PLAC8L1: variants seen among roughly 807,000 people sequenced by gnomAD.
PLAC8L1 encodes the protein PLAC8 like 1.
PLAC8L1 carries 13 observed loss-of-function variants against 16.3 expected under a neutral mutation model. That is an observed-to-expected ratio of 0.80 (90% confidence interval 0.52 to 1.27). The LOEUF is 1.27. Ranked by LOEUF, PLAC8L1 falls within the 50% of genes most tolerant of loss-of-function variation. The pLI is 0.00. For missense variants in PLAC8L1, 184 were observed against 220.2 expected (o/e 0.84, Z 1.04); for synonymous variants, 78 against 79.3 (o/e 0.98, Z 0.09).
At chr5:146,092,363 C>A (rs1763633525) in intron 2 of PLAC8L1, among the ~76,000 whole-genome samples, 1 of 152,080 alleles carries the variant, frequency 6.6e-6, no homozygotes, top group Non-Finnish European at 1.5e-5. Context: ...CAGGTTTACT[C>A]TTTAGTGGTT....
intron 1 of PLAC8L1, chr5:146,103,698 T>C (rs1763860649): frequency 2.0e-6 from 2 of 985,428 alleles, no homozygotes; most frequent in Non-Finnish European, 2.4e-6. Flanking sequence ...TTCCCTCTTT[T>C]TGACCTCACT....
intron 1 of PLAC8L1, among the ~76,000 whole-genome samples, chr5:146,102,040 C>CTTTTTTTTTTTTTTTTTTTTTCTTT (rs36011275): frequency 7.7e-6 from 1 of 130,506 alleles, no homozygotes; most frequent in Non-Finnish European, 1.6e-5. Context: ...TGTGTTTACC[C>CTTTTTTTTTTTTTTTTTTTTTCTTT]TTTTTTTTTT....
chr5:146,099,712 G>C (rs1763779231), intron 1 of PLAC8L1, among the ~76,000 whole-genome samples: 1 of 148,816 alleles, frequency 6.7e-6, no homozygotes, highest in Non-Finnish European at 1.5e-5. Context: ...CCAAAATTCA[G>C]CACCTGGGAC....
Position 146,085,565 on chromosome 5 carries a change from CAA to C in PLAC8L1, c.287_288del (p.Leu96ArgfsTer3). 1 of 1,614,148 alleles carries C rather than the reference CAA, an allele frequency of 6.2e-7. No individual in the cohort carries two copies. The highest frequency in any genetic ancestry group is 2.2e-5 in the East Asian group (1 of 44,882). On this transcript the variant is annotated frameshift_variant, in exon 3 of 4. Coordinates refer to ENST00000311450, the MANE Select transcript of PLAC8L1 (RefSeq NM_001029869.3). LOFTEE classifies it high-confidence loss of function. ...CCATAATGCCTGGCGATGTCACACT[CAA>C]GACACATAGGACAGAATAGACCACA... ...CFCGLFCPMC[L>X]ECDIARHYGE...
intron 1 of PLAC8L1, among the ~76,000 whole-genome samples, chr5:146,099,994 C>A (rs1026642751): frequency 4.6e-5 from 7 of 152,140 alleles, no homozygotes; most frequent in Middle Eastern, 3.2e-3. Flanking sequence ...TTCCCTCGGA[C>A]CAACTGCACA....
intron 3 of PLAC8L1, among the ~76,000 whole-genome samples, chr5:146,085,135 G>T (rs1763487761): frequency 6.6e-6 from 1 of 151,418 alleles, no homozygotes. Context: ...ACATCAGTCT[G>T]GGCCAGGCAT....
At chr5:146,097,757 A>G (rs1763741824) in intron 2 of PLAC8L1, among the ~76,000 whole-genome samples, 1 of 152,178 alleles carries the variant, frequency 6.6e-6, no homozygotes, top group South Asian at 2.1e-4. Flanking sequence ...TTTGCACATG[A>G]TTTATTTCCT....
At chr5:146,100,226 T>G (rs905476431) in intron 1 of PLAC8L1, among the ~76,000 whole-genome samples, 1 of 152,078 alleles carries the variant, frequency 6.6e-6, no homozygotes, top group Non-Finnish European at 1.5e-5. Context: ...ACATATTTAG[T>G]CTCAATGTCA....
rs143567102 is a variant in PLAC8L1, at chr5:146,103,282, C to T, written c.119+911G>A. ...TCAACCAATTCTCCTGCCTCAGCCC[C>T]CCTAATAGCTGGGATTACAGGCATG... On this transcript the variant is annotated intron_variant, in intron 1 of 3. Coordinates refer to ENST00000311450, the MANE Select transcript of PLAC8L1 (RefSeq NM_001029869.3). 5.8e-3 allele frequency among the ~76,000 whole-genome samples: 890 copies of T among 152,302 alleles called. 12 individuals carry two copies. The highest frequency in any genetic ancestry group is 0.02 in the African/African-American group (847 of 41,554).
chr5:146,101,193 T>C (rs1763810208), intron 1 of PLAC8L1, among the ~76,000 whole-genome samples: 1 of 107,158 alleles, frequency 9.3e-6, no homozygotes, highest in Non-Finnish European at 1.8e-5. Context: ...CAAGACCCTG[T>C]CTCAAAAAAA....
intron 2 of PLAC8L1, among the ~76,000 whole-genome samples, chr5:146,092,609 T>C (rs1473279282): frequency 6.9e-6 from 1 of 145,502 alleles, no homozygotes; most frequent in Non-Finnish European, 1.5e-5. Flanking sequence ...TAGCATGATC[T>C]CAGCTGACTG....
intron 3 of PLAC8L1, 75 bp downstream of exon 3, chr5:146,085,386 G>T: frequency 6.8e-7 from 1 of 1,466,666 alleles, no homozygotes. Flanking sequence ...TCTTTTATTT[G>T]GAAAATCACA....
intron 2 of PLAC8L1, among the ~76,000 whole-genome samples, chr5:146,087,508 GTTTA>G (rs1225178403): frequency 1.3e-5 from 2 of 152,146 alleles, no homozygotes; most frequent in African/African-American, 2.4e-5. Context: ...GTTATATTTT[GTTTA>G]TTTATTTATG....
At chr5:146,100,466 T>C (rs1289744777) in intron 1 of PLAC8L1, among the ~76,000 whole-genome samples, 1 of 150,968 alleles carries the variant, frequency 6.6e-6, no homozygotes, top group African/African-American at 2.4e-5. Flanking sequence ...TGCAAATAAA[T>C]TAATGCTCAA....
chr5:146,090,568 ACAAAACTC>A (rs1445670566), intron 2 of PLAC8L1, among the ~76,000 whole-genome samples: 1 of 151,302 alleles, frequency 6.6e-6, no homozygotes, highest in African/African-American at 2.4e-5. Flanking sequence ...ACAAAACAAA[ACAAAACTC>A]CTGCAAATCA....
chr5:146,094,823 T>A (rs748240585), intron 2 of PLAC8L1, among the ~76,000 whole-genome samples: 1 of 152,226 alleles, frequency 6.6e-6, no homozygotes, highest in African/African-American at 2.4e-5. Flanking sequence ...CTGCTGTTCA[T>A]AATGTACCCT....
chr5:146,105,077 T>G lies in PLAC8L1; in HGVS notation c.-766A>C, dbSNP rs2150040010. On this transcript the variant is annotated 5_prime_UTR_variant, in exon 1 of 4. Transcript: ENST00000311450. ...TGAATCATGCCTCTGGCACATGTCT[T>G]ATGGAGGTGTGGACCCTAGAAATAT... 6.6e-6 allele frequency among the ~76,000 whole-genome samples: 1 copy of G among 152,256 alleles called. No individual in the cohort carries two copies. The highest frequency in any genetic ancestry group is 2.4e-5 in the African/African-American group (1 of 41,540).
chr5:146,098,103 G>A lies in PLAC8L1; in HGVS notation c.256+53C>T, dbSNP rs1164825657. The A allele has an allele frequency of 1.3e-5, 20 of 1,561,712 alleles. No individual in the cohort carries two copies. The East Asian group carries it at 3.4e-4, about 27-fold the overall frequency. On this transcript the variant is annotated intron_variant, in intron 2 of 3. Coordinates refer to ENST00000311450, the MANE Select transcript of PLAC8L1 (RefSeq NM_001029869.3). ...TGCTGTAGGTTTTCCACTCACTGAT[G>A]TCCTGGAAAAGAAAATAGTAAGGAG...
chr5:146,085,965 T>C (rs560801663), intron 2 of PLAC8L1, among the ~76,000 whole-genome samples: 6 of 151,882 alleles, frequency 4.0e-5, no homozygotes, highest in Admixed American at 6.6e-5. Flanking sequence ...AAAATAAACA[T>C]GGTATACAGG....
Sources: gnomAD v4.1 joint callset for allele counts (sites outside exome capture counted in the v4.1 genomes callset) on GRCh38, gnomAD v4.1.1 for gene constraint, MANE v1.5 for transcripts, NCBI Gene and HGNC (gene_info 2026-07-23, HGNC 2026-07-21) for gene names.